Variants in LHFPL3 observed in about 807,000 individuals in gnomAD.
The protein encoded by LHFPL3 is LHFPL tetraspan subfamily member 3 protein.
Under a neutral mutation model 19.3 loss-of-function variants are expected in LHFPL3, and 5 were observed. The ratio of observed to expected loss-of-function variants is 0.26; its 90% confidence interval spans 0.14 to 0.54. The LOEUF (loss-of-function observed/expected upper bound fraction) is 0.54, where lower values mean the gene tolerates loss of function less well. LHFPL3 is among the 20% of genes least tolerant of loss of function. The probability of loss-of-function intolerance (pLI) is 0.94; values close to 1 mark genes in which losing one functional copy is unlikely to be tolerated. For synonymous variants in LHFPL3, 133 were observed against 126.2 expected (o/e 1.05, Z -0.36); for missense variants, 249 against 307.4 (o/e 0.81, Z 1.42).
In LHFPL3 at chr7:104,450,629, G is replaced by A. The variant is rs1157894688; in HGVS notation, c.445+121405G>A. Among the ~76,000 whole-genome samples the A allele has an allele frequency of 2.6e-5, 4 of 152,070 alleles. No individual in the cohort carries two copies. The East Asian group carries it at 5.8e-4, about 22-fold the overall frequency. ...AGGAGAAATACCTAATGTAGATGAC[G>A]GGTTGATGGGTGCAGCAAACCACCA... On this transcript the variant is annotated intron_variant, in intron 1 of 2. Coordinates refer to ENST00000424859, the MANE Select transcript of LHFPL3 (RefSeq NM_199000.3).
chr7:104,602,722 C>T (rs1390084846), intron 1 of LHFPL3, among the ~76,000 whole-genome samples: 2 of 152,100 alleles, frequency 1.3e-5, no homozygotes, highest in African/African-American at 2.4e-5. Flanking sequence ...TACGGAATAC[C>T]ACAGACTGGG....
intron 1 of LHFPL3, among the ~76,000 whole-genome samples, chr7:104,577,063 C>T (rs558693039): frequency 6.6e-6 from 1 of 152,286 alleles, no homozygotes; most frequent in East Asian, 1.9e-4. Context: ...AATCTGATAG[C>T]CTCAGCTTTC....
intron 2 of LHFPL3, among the ~76,000 whole-genome samples, chr7:104,883,886 G>T (rs1792098857): frequency 6.6e-6 from 1 of 152,140 alleles, no homozygotes; most frequent in African/African-American, 2.4e-5. Flanking sequence ...AGGAAAGCGT[G>T]GGCCTCTGAG....
chr7:104,335,562 C>G (rs377686325), intron 1 of LHFPL3, among the ~76,000 whole-genome samples: 33 of 151,974 alleles, frequency 2.2e-4, no homozygotes, highest in African/African-American at 7.7e-4. Context: ...GAAAAATAAC[C>G]GGTCCCATAT....
chr7:104,851,571 G>T (rs1175851866), intron 2 of LHFPL3, among the ~76,000 whole-genome samples: 1 of 152,196 alleles, frequency 6.6e-6, no homozygotes, highest in Non-Finnish European at 1.5e-5. Flanking sequence ...GAAAAATTAA[G>T]TTCATATTTG....
chr7:104,899,385 A>C (rs1316671384), intron 2 of LHFPL3, among the ~76,000 whole-genome samples: 1 of 152,130 alleles, frequency 6.6e-6, no homozygotes, highest in African/African-American at 2.4e-5. Context: ...CGAGAAAATC[A>C]GGAAACATAT....
chr7:104,355,317 G>A (rs1316867202), intron 1 of LHFPL3, among the ~76,000 whole-genome samples: 1 of 152,000 alleles, frequency 6.6e-6, no homozygotes, highest in East Asian at 1.9e-4. Context: ...TATCACAGTG[G>A]GCCCTTGGGT....
intron 1 of LHFPL3, among the ~76,000 whole-genome samples, chr7:104,563,326 T>C (rs1233075315): frequency 2.6e-5 from 4 of 152,184 alleles, no homozygotes; most frequent in Non-Finnish European, 4.4e-5. Context: ...GTGCTAGCAA[T>C]CAGCGAGACT....
intron 1 of LHFPL3, among the ~76,000 whole-genome samples, chr7:104,652,027 G>C (rs1225679843): frequency 6.6e-6 from 1 of 152,242 alleles, no homozygotes; most frequent in Non-Finnish European, 1.5e-5. Context: ...ATGGAGACCA[G>C]GAGGAGGAGA....
chr7:104,389,276 A>G (rs1791011364), intron 1 of LHFPL3, among the ~76,000 whole-genome samples: 1 of 152,230 alleles, frequency 6.6e-6, no homozygotes. Context: ...CATTTACAAT[A>G]GCATCAAAAA....
At chr7:104,680,599 A>T (rs564703162) in intron 1 of LHFPL3, among the ~76,000 whole-genome samples, 3 of 152,172 alleles carry the variant, frequency 2.0e-5, no homozygotes, top group African/African-American at 4.8e-5. Flanking sequence ...GTAGGACCTA[A>T]CACTTCTCAG....
At chr7:104,680,961 C>G (rs1341872645) in intron 1 of LHFPL3, among the ~76,000 whole-genome samples, 3 of 152,016 alleles carry the variant, frequency 2.0e-5, no homozygotes, top group Non-Finnish European at 4.4e-5. Flanking sequence ...ATCCATCAAA[C>G]CTAAAACAGC....
intron 1 of LHFPL3, among the ~76,000 whole-genome samples, chr7:104,393,749 G>A (rs1240766255): frequency 6.6e-6 from 1 of 152,028 alleles, no homozygotes; most frequent in Admixed American, 6.6e-5. Context: ...TTCATACAAA[G>A]AATATATTAT....
At chr7:104,401,227 T>G (rs1312947646) in intron 1 of LHFPL3, among the ~76,000 whole-genome samples, 1 of 152,254 alleles carries the variant, frequency 6.6e-6, no homozygotes, top group Non-Finnish European at 1.5e-5. Context: ...TCTAGATCCA[T>G]TCCTAATATT....
chr7:104,377,163 C>G (rs555328728), intron 1 of LHFPL3, among the ~76,000 whole-genome samples: 2 of 152,240 alleles, frequency 1.3e-5, no homozygotes, highest in South Asian at 2.1e-4. Flanking sequence ...TTGTAAAGTT[C>G]CATGCCTTGT....
At chr7:104,789,198 G>A (rs919391103) in intron 2 of LHFPL3, among the ~76,000 whole-genome samples, 9 of 152,138 alleles carry the variant, frequency 5.9e-5, no homozygotes, top group Non-Finnish European at 1.2e-4. Flanking sequence ...AAATGGGAAG[G>A]AAGACCAATA....
intron 1 of LHFPL3, among the ~76,000 whole-genome samples, chr7:104,558,896 A>G (rs1205283409): frequency 6.9e-6 from 1 of 145,564 alleles, no homozygotes; most frequent in Non-Finnish European, 1.5e-5. Flanking sequence ...CTTTCTACAT[A>G]TGGCTAGCCA....
chr7:104,464,975 T>TATGCTTTGCTTCCTCTTAA (rs1342570126), intron 1 of LHFPL3, among the ~76,000 whole-genome samples: 4 of 152,234 alleles, frequency 2.6e-5, no homozygotes, highest in African/African-American at 9.6e-5. Context: ...TCTAAATTTT[T>TATGCTTTGCTTCCTCTTAA]ATGCTTTGCT....
intron 1 of LHFPL3, among the ~76,000 whole-genome samples, chr7:104,600,434 G>A (rs995149744): frequency 2.6e-5 from 4 of 152,262 alleles, no homozygotes; most frequent in South Asian, 4.1e-4. Flanking sequence ...TGTCACACAC[G>A]TTCTAATAGA....
Sources: allele counts gnomAD v4.1 joint callset (sites outside exome capture counted in the v4.1 genomes callset), GRCh38; gene constraint gnomAD v4.1.1; transcripts MANE v1.5; gene names NCBI Gene and HGNC (gene_info 2026-07-23, HGNC 2026-07-21).